Variants in IFT140 observed in about 807,000 individuals in gnomAD.
IFT140 encodes intraflagellar transport protein 140 homolog.
A neutral mutation model predicts 164.6 loss-of-function variants in IFT140; 133 were observed. The observed-to-expected ratio is 0.81, with a 90% CI of 0.70 to 0.93. IFT140 has a LOEUF of 0.93. Ranked by LOEUF, IFT140 falls within the 40% of genes least tolerant of loss-of-function variation. The pLI is 0.00. For missense variants in IFT140, 2,045 were observed against 1,972.3 expected, an observed-to-expected ratio of 1.04 and a Z score of -0.70; for synonymous variants, 860 against 817.3, an observed-to-expected ratio of 1.05 and a Z score of -0.89.
chr16:1,513,822 C>G (rs1001823829), intron 30 of IFT140, among the ~76,000 whole-genome samples: 2 of 149,704 alleles, frequency 1.3e-5, no homozygotes, highest in East Asian at 2.1e-4. Context: ...TACAGGCGCC[C>G]ACCACCACAC....
intron 19 of IFT140, chr16:1,554,162 G>A (rs377262258): frequency 1.6e-6 from 2 of 1,279,396 alleles, no homozygotes; most frequent in African/African-American, 3.0e-5. Context: ...CCCTAGACAA[G>A]GCCCTGGCCC....
intron 18 of IFT140, 74 bp from the exon 19 acceptor site, chr16:1,558,208 G>A (rs1384880145): frequency 6.9e-7 from 1 of 1,444,520 alleles, no homozygotes; most frequent in Non-Finnish European, 9.7e-7. Flanking sequence ...CTCGTCCTCT[G>A]GATTTAGCTC....
chr16:1,514,436 A>G (rs2040284916), intron 30 of IFT140: 1 of 152,170 alleles, frequency 6.6e-6, no homozygotes, highest in Non-Finnish European at 1.5e-5. Flanking sequence ...GTGAAGGTGG[A>G]AACGTTGGGA....
At chr16:1,547,265 C>G (rs961024255) in intron 19 of IFT140, among the ~76,000 whole-genome samples, 2 of 152,234 alleles carry the variant, frequency 1.3e-5, no homozygotes, top group African/African-American at 4.8e-5. Context: ...ATGGATGGCA[C>G]TGGTCCGTCC....
chr16:1,541,431 G>C, intron 19 of IFT140: 1 of 985,402 alleles, frequency 1.0e-6, no homozygotes. Context: ...GCCGCTTGGG[G>C]GTCGGGCAGC....
In IFT140 at chr16:1,528,315, G is replaced by GCACGCATGCACGCACGTGTGCACACA. The variant is rs879264522; in HGVS notation, c.2400-1545_2400-1520dup. 1.2e-3 allele frequency among the ~76,000 whole-genome samples: 169 copies of GCACGCATGCACGCACGTGTGCACACA among 144,388 alleles called. 1 individual carries two copies. The highest frequency in any genetic ancestry group is 1.9e-3 in the East Asian group (9 of 4,858). 94.7% of individuals were successfully genotyped at this position (144,388 alleles called of 152,430 possible). ...AGCCCCACCAAAGCCACACACACAC[G>GCACGCATGCACGCACGTGTGCACACA]CACGCATGCACGCACGTGTGCACAC... On this transcript the variant is annotated intron_variant, in intron 19 of 30. Transcript: ENST00000426508.
Position 1,607,339 on chromosome 16 carries a change from TAAAAC to T in IFT140, c.-31-47_-31-43del, listed in dbSNP as rs2036129106. Reference sequence around the variant, plus strand: ...ATGACCAAGTCCAATCAGTTTTAAATAAAACAAACAATATGACTGTACATGGAATG... The same window carrying T: ...ATGACCAAGTCCAATCAGTTTTAAATAAACAATATGACTGTACATGGAATG... On this transcript the variant is annotated intron_variant, in intron 2 of 30. Transcript: ENST00000426508. 3 of 1,489,160 alleles carry T rather than the reference TAAAAC, an allele frequency of 2.0e-6. No homozygotes were observed. The East Asian group carries it at 6.8e-5, about 34-fold the overall frequency. 92.2% of individuals were successfully genotyped at this position (1,489,160 alleles called of 1,614,324 possible).
chr16:1,536,501 G>A (rs1284327976), intron 19 of IFT140, among the ~76,000 whole-genome samples: 1 of 152,226 alleles, frequency 6.6e-6, no homozygotes, highest in Admixed American at 6.5e-5. Flanking sequence ...CTGACCCTCA[G>A]TGAACCTGAG....
At chr16:1,567,817 C>A (rs1043036287) in intron 15 of IFT140, among the ~76,000 whole-genome samples, 12 of 152,256 alleles carry the variant, frequency 7.9e-5, no homozygotes, top group African/African-American at 2.9e-4. Context: ...ATCACCCTGC[C>A]TCTCTGAGTG....
In IFT140 at chr16:1,602,192, C is replaced by T. The variant is rs11867015; in HGVS notation, c.369+178G>A. 476 of 628,914 alleles carry T rather than the reference C, an allele frequency of 7.6e-4. 1 individual carries two copies. The African/African-American group carries it at 8.0e-3, about 11-fold the overall frequency. 39.0% of individuals were successfully genotyped at this position (628,914 alleles called of 1,614,324 possible). On this transcript the variant is annotated intron_variant, in intron 4 of 30. Coordinates refer to ENST00000426508, the MANE Select transcript of IFT140 (RefSeq NM_014714.4). ...TATAAAGGTGCAGACACACCTTTGC[C>T]ACAGAGTGGCAAATTTTCAAGCCTT...
intron 19 of IFT140, among the ~76,000 whole-genome samples, chr16:1,550,350 T>G (rs1328832647): frequency 6.6e-6 from 1 of 152,246 alleles, no homozygotes; most frequent in Admixed American, 6.5e-5. Flanking sequence ...GGAGGTCATG[T>G]CTGGATTAGA....
chr16:1,606,959 C>T (rs901095681), intron 3 of IFT140, among the ~76,000 whole-genome samples, 161 bp downstream of exon 3: 18 of 151,708 alleles, frequency 1.2e-4, no homozygotes, highest in African/African-American at 4.4e-4. Context: ...TACATATGCG[C>T]ATACACACAC....
At chr16:1,597,194 G>A (rs1567420600) in intron 4 of IFT140, among the ~76,000 whole-genome samples, 1 of 152,160 alleles carries the variant, frequency 6.6e-6, no homozygotes, top group African/African-American at 2.4e-5. Context: ...GACTTGGCTC[G>A]CAGGAGTTCC....
At chr16:1,517,350 C>CAA (rs1331940278) in intron 30 of IFT140, among the ~76,000 whole-genome samples, 1 of 60,166 alleles carries the variant, frequency 1.7e-5, no homozygotes, top group Admixed American at 1.8e-4. Flanking sequence ...ACTCCGTCTC[C>CAA]AAAAAAAAAA....
At chr16:1,544,252 C>T (rs914103650) in intron 19 of IFT140, among the ~76,000 whole-genome samples, 81 of 151,130 alleles carry the variant, frequency 5.4e-4, no homozygotes, top group African/African-American at 1.8e-3. Context: ...GGCACAATCT[C>T]GGCTCACTGC....
chr16:1,524,403 G>A, intron 24 of IFT140, 149 bp downstream of exon 24: 1 of 1,021,328 alleles, frequency 9.8e-7, no homozygotes, highest in African/African-American at 1.6e-5. Flanking sequence ...AGAGGGGTGG[G>A]CGGGTGAGGC....
chr16:1,587,411 T>A, intron 8 of IFT140, 107 bp from the exon 9 acceptor site: 1 of 711,332 alleles, frequency 1.4e-6, no homozygotes, highest in South Asian at 1.6e-5. Context: ...GAAAAAGACA[T>A]AGTTCATCAG....
intron 1 of IFT140, among the ~76,000 whole-genome samples, 163 bp downstream of exon 1, chr16:1,611,805 C>A (rs570568832): frequency 6.7e-6 from 1 of 148,596 alleles, no homozygotes; most frequent in African/African-American, 2.5e-5. Flanking sequence ...CAGAGCGAAA[C>A]TCCGTCTCAA....
chr16:1,575,204 TATAATAATA>T (rs552535947), intron 13 of IFT140, among the ~76,000 whole-genome samples: 1 of 148,260 alleles, frequency 6.7e-6, no homozygotes, highest in South Asian at 2.2e-4. Context: ...TCTACAAAAA[TATAATAATA>T]ATAATAACAA....
Sources: allele counts gnomAD v4.1 joint callset (sites outside exome capture counted in the v4.1 genomes callset), GRCh38; gene constraint gnomAD v4.1.1; transcripts MANE v1.5; gene names NCBI Gene and HGNC (gene_info 2026-07-23, HGNC 2026-07-21).